Variants in TACC2 observed in about 807,000 individuals in gnomAD.
The protein encoded by TACC2 is transforming acidic coiled-coil containing protein 2.
A neutral mutation model predicts 227.3 loss-of-function variants in TACC2; 137 were observed. That is an observed-to-expected ratio of 0.60 (90% CI 0.52 to 0.69). The LOEUF is 0.69. TACC2 is among the 30% of genes least tolerant of loss of function. TACC2 has a pLI of 0.00. For missense variants in TACC2, 3,470 were observed against 3,694.4 expected (o/e 0.94, Z 1.57); for synonymous variants, 1,523 against 1,487.5 (o/e 1.02, Z -0.55).
chr10:122,233,214 G>A (rs1050904225), intron 16 of TACC2, among the ~76,000 whole-genome samples: 1 of 152,200 alleles, frequency 6.6e-6, no homozygotes, highest in Non-Finnish European at 1.5e-5. Context: ...GAATTTGGTT[G>A]TGTCCTCCTG....
chr10:122,141,916 G>A lies in TACC2; in HGVS notation c.5700-1656G>A, dbSNP rs752606887. Among the ~76,000 whole-genome samples the A allele has an allele frequency of 2.0e-5, 3 of 152,304 alleles. No homozygotes were observed. Among genetic ancestry groups the A allele is most frequent in the South Asian group, 2.1e-4 (1 of 4,826 alleles). ...TAAGTGGTCCATTTGCCGATTATGA[G>A]TACATGTCAGCCTCCAAAGTGCAAA... On this transcript the variant is annotated intron_variant, in intron 6 of 22. Coordinates refer to ENST00000369005, the MANE Select transcript of TACC2 (RefSeq NM_206862.4). The surrounding 1 kb of genome is among the most constrained non-coding windows in gnomAD (Gnocchi z 4.3).
chr10:122,152,079 C>T (rs1405063132), intron 7 of TACC2, among the ~76,000 whole-genome samples: 1 of 152,164 alleles, frequency 6.6e-6, no homozygotes, highest in Admixed American at 6.5e-5. Context: ...CCATGTGGCT[C>T]CACCAAACAT....
At chr10:122,206,972 A>C (rs1238869162) in intron 8 of TACC2, among the ~76,000 whole-genome samples, 1 of 152,226 alleles carries the variant, frequency 6.6e-6, no homozygotes. Flanking sequence ...GTCTTCATGC[A>C]GATATGCCGT....
intron 2 of TACC2, among the ~76,000 whole-genome samples, chr10:122,037,893 T>G (rs1591343561): frequency 6.6e-6 from 1 of 151,122 alleles, no homozygotes; most frequent in Non-Finnish European, 1.5e-5. Flanking sequence ...GGCTCCCAGG[T>G]GAGGCTTTTT....
chr10:122,068,638 C>T (rs1335987702), intron 3 of TACC2, among the ~76,000 whole-genome samples: 1 of 149,472 alleles, frequency 6.7e-6, no homozygotes, highest in Non-Finnish European at 1.5e-5. Context: ...ATTCCCAGCT[C>T]TGTGTGAGCT....
intron 1 of TACC2, among the ~76,000 whole-genome samples, chr10:122,019,346 C>T (rs866132751): frequency 2.6e-5 from 4 of 152,294 alleles, no homozygotes; most frequent in Middle Eastern, 3.4e-3. Flanking sequence ...TTTGTATGTG[C>T]GTTTCCACAT....
At position 122,224,778 on chromosome 10, in the gene TACC2, C is replaced by T. The variant is rs752316295; in HGVS notation, c.7599C>T (p.Ser2533=). Residue 2533 remains serine (S), a synonymous_variant, in exon 12 of 23, where the codon TCC becomes TCT. Transcript: ENST00000369005. ...YEIEYMEKIG[S]SLPQDDDAPK... is the part of the protein sequence containing the mutation. ...TTGAATATATGGAGAAAATTGGCTC[C>T]TCCTTACCTGTAAGTTCGTCTGCCT... 6 of 1,613,880 alleles carry T rather than the reference C, an allele frequency of 3.7e-6. No homozygotes were observed. In the African/African-American group the frequency reaches 4.0e-5, roughly 11 times the overall value.
chr10:122,251,541 G>A (rs1334031110), intron 22 of TACC2, among the ~76,000 whole-genome samples: 3 of 152,088 alleles, frequency 2.0e-5, no homozygotes, highest in Non-Finnish European at 2.9e-5. Context: ...TTAAAATAAA[G>A]ATCATACTAG....
chr10:122,081,193 G>T (rs1015923573), intron 3 of TACC2, among the ~76,000 whole-genome samples: 1 of 151,870 alleles, frequency 6.6e-6, no homozygotes, highest in Admixed American at 6.6e-5. Context: ...TCCACACTTT[G>T]TGTTGGCCAC....
chr10:122,253,078 G>C (rs1000364200), intron 22 of TACC2, among the ~76,000 whole-genome samples: 1 of 152,180 alleles, frequency 6.6e-6, no homozygotes, highest in Non-Finnish European at 1.5e-5. Flanking sequence ...CGTGGCTCTG[G>C]GCTGGAACAT....
intron 5 of TACC2, among the ~76,000 whole-genome samples, chr10:122,121,515 G>T (rs1458363664): frequency 3.3e-5 from 5 of 152,194 alleles, no homozygotes; most frequent in Non-Finnish European, 1.5e-5. Context: ...CTCTCCAGGG[G>T]GAGGAGGAAT....
intron 1 of TACC2, among the ~76,000 whole-genome samples, chr10:122,008,419 C>A (rs1026277033): frequency 4.0e-5 from 6 of 151,766 alleles, no homozygotes; most frequent in African/African-American, 9.7e-5. Flanking sequence ...TGCCACCAGG[C>A]CTGGCTAATA....
At position 122,210,231 on chromosome 10, in the gene TACC2, G is replaced by A. The variant is rs1383933943; in HGVS notation, c.5972-166G>A. The A allele has an allele frequency of 1.6e-6, 1 of 636,040 alleles. No individual in the cohort carries two copies. Among genetic ancestry groups the A allele is most frequent in the Non-Finnish European group, 2.9e-6 (1 of 349,450 alleles). The allele number at this position is 636,040 out of a possible 1,614,324, so 39.4% of individuals were successfully genotyped here. A position where few individuals can be genotyped will look rare whatever the true frequency, so the allele number is the denominator to read the frequency against. ...TGGCCTGGGTCTTGAGCTAATTACG[G>A]GTAGGTCAGGTTCTGTACCCAAGTA... On this transcript the variant is annotated intron_variant, in intron 8 of 22. Coordinates refer to ENST00000369005, the MANE Select transcript of TACC2 (RefSeq NM_206862.4). This position sits in a 1 kb window ranked among gnomAD's most constrained non-coding sequence, Gnocchi z 4.6.
intron 1 of TACC2, among the ~76,000 whole-genome samples, chr10:121,990,813 G>T: frequency 6.6e-6 from 1 of 151,964 alleles, no homozygotes; most frequent in East Asian, 1.9e-4. Flanking sequence ...TTTGAGACAG[G>T]GACTCGCTGT....
intron 3 of TACC2, among the ~76,000 whole-genome samples, chr10:122,061,816 C>T (rs1359303609): frequency 2.0e-5 from 3 of 151,732 alleles, no homozygotes; most frequent in Admixed American, 6.6e-5. Flanking sequence ...AGCACAGGGG[C>T]GGGGAGAGAG....
chr10:122,198,031 G>A (rs528853754), intron 8 of TACC2, among the ~76,000 whole-genome samples: 6 of 152,368 alleles, frequency 3.9e-5, no homozygotes, highest in South Asian at 2.1e-4. Flanking sequence ...GGGATGTTGC[G>A]AAAGGTGCTG....
chr10:122,145,087 T>C (rs1257746671), intron 7 of TACC2, among the ~76,000 whole-genome samples: 2 of 152,206 alleles, frequency 1.3e-5, no homozygotes, highest in Non-Finnish European at 2.9e-5. Context: ...GAGAAAGAAA[T>C]ACAATTACTC....
At chr10:122,009,418 C>T (rs1009468297) in intron 1 of TACC2, among the ~76,000 whole-genome samples, 68 of 151,362 alleles carry the variant, frequency 4.5e-4, no homozygotes, top group African/African-American at 1.4e-3. Context: ...GCAGGAGAAT[C>T]GCTCAAATCT....
chr10:122,122,667 A>G (rs2086070700), intron 5 of TACC2, among the ~76,000 whole-genome samples: 1 of 152,018 alleles, frequency 6.6e-6, no homozygotes, highest in Non-Finnish European at 1.5e-5. Context: ...GGCCCAGAGC[A>G]TGCTGTGGGA....
Sources: allele counts gnomAD v4.1 joint callset (sites outside exome capture counted in the v4.1 genomes callset), GRCh38; gene constraint gnomAD v4.1.1; non-coding constraint Gnocchi (gnomAD v3.1); transcripts MANE v1.5; gene names NCBI Gene and HGNC (gene_info 2026-07-23, HGNC 2026-07-21).